RBFOX1: variants seen among roughly 807,000 people sequenced by gnomAD.
The protein encoded by RBFOX1 is RNA binding fox-1 homolog 1, also known as RNA binding protein fox-1 homolog 1.
RBFOX1 carries 8 observed loss-of-function variants against 57.7 expected under a neutral mutation model. The observed-to-expected ratio is 0.14, with a 90% CI of 0.08 to 0.25. The LOEUF (loss-of-function observed/expected upper bound fraction) is 0.25, where lower values mean the gene tolerates loss of function less well. Ranked by LOEUF, RBFOX1 falls within the 10% of genes least tolerant of loss-of-function variation. RBFOX1 has a pLI of 1.00. For synonymous variants in RBFOX1, 326 were observed against 222.4 expected (o/e 1.47, Z -4.15); for missense variants, 611 against 548.5 (o/e 1.11, Z -1.14).
chr16:5,625,750 G>T (rs2048331873), intron 3 of RBFOX1, among the ~76,000 whole-genome samples: 1 of 151,830 alleles, frequency 6.6e-6, no homozygotes, highest in Admixed American at 6.6e-5. Context: ...TAGAGACAGG[G>T]TTTCATCATT....
rs1159971428 is a variant in RBFOX1, at chr16:7,333,025, C to G, written c.28-185122C>G. Reference sequence around the variant, plus strand: ...GCATGCTGGCGTCTCAAGGAGTTCTCCTGCATCCTTATGGCGTGCCTATGA... The same window carrying G: ...GCATGCTGGCGTCTCAAGGAGTTCTGCTGCATCCTTATGGCGTGCCTATGA... On this transcript the variant is annotated intron_variant, in intron 4 of 15. Transcript: ENST00000550418. 6 of 1,613,806 alleles carry G rather than the reference C, an allele frequency of 3.7e-6. No homozygotes were observed. In the East Asian group the frequency reaches 1.3e-4, roughly 36 times the overall value.
intron 2 of RBFOX1, among the ~76,000 whole-genome samples, chr16:5,528,987 T>C (rs11646889): frequency 0.33 from 50,502 of 151,664 alleles, 8,757 homozygotes; most frequent in Admixed American, 0.36. Context: ...TAAACCTGAT[T>C]CTCATCTGGT....
chr16:5,683,511 A>C (rs1198927376), intron 3 of RBFOX1, among the ~76,000 whole-genome samples: 1 of 152,026 alleles, frequency 6.6e-6, no homozygotes, highest in African/African-American at 2.4e-5. Flanking sequence ...CAGTTTAATC[A>C]GCTTCCAGTG....
In RBFOX1 at chr16:5,277,422, C is replaced by G. The variant is rs562609254; in HGVS notation, c.219+37317C>G. 7.6e-4 allele frequency among the ~76,000 whole-genome samples: 116 copies of G among 151,822 alleles called. 1 individual carries two copies. The highest frequency in any genetic ancestry group is 2.6e-3 in the African/African-American group (106 of 41,346). ...AAGAACTTATCCATGTAACAAAATA[C>G]CACCTGTTCCCTAAAAACTATTGAA... On this transcript the variant is annotated intron_variant, in intron 1 of 2. Transcript: ENST00000585867.
At chr16:5,987,694 A>C (rs2152316244) in intron 4 of RBFOX1, among the ~76,000 whole-genome samples, 1 of 152,314 alleles carries the variant, frequency 6.6e-6, no homozygotes, top group South Asian at 2.1e-4. Flanking sequence ...AGCCCAGGCA[A>C]CATAGCAAGG....
intron 2 of RBFOX1, among the ~76,000 whole-genome samples, chr16:5,509,451 T>C (rs2043500791): frequency 6.6e-6 from 1 of 152,156 alleles, no homozygotes; most frequent in Non-Finnish European, 1.5e-5. Flanking sequence ...TGTTCACAAT[T>C]GTGTCTCCAA....
intron 3 of RBFOX1, among the ~76,000 whole-genome samples, chr16:5,659,926 G>A (rs964837524): frequency 1.3e-5 from 2 of 152,166 alleles, no homozygotes; most frequent in Non-Finnish European, 2.9e-5. Context: ...GCTGGATCTT[G>A]TTATTTAATG....
At chr16:7,458,359 T>C (rs1167833499) in intron 4 of RBFOX1, among the ~76,000 whole-genome samples, 1 of 152,180 alleles carries the variant, frequency 6.6e-6, no homozygotes, top group African/African-American at 2.4e-5. Flanking sequence ...GCCCAGATGC[T>C]CACTTTCCCA....
intron 2 of RBFOX1, among the ~76,000 whole-genome samples, chr16:5,580,186 T>C (rs1026437181): frequency 1.1e-4 from 16 of 152,262 alleles, no homozygotes; most frequent in African/African-American, 3.9e-4. Flanking sequence ...GTAGTGATGG[T>C]GCCTAGGGGG....
intron 9 of RBFOX1, among the ~76,000 whole-genome samples, chr16:7,601,771 C>T (rs1393176558): frequency 6.6e-6 from 1 of 152,162 alleles, no homozygotes; most frequent in Non-Finnish European, 1.5e-5. Context: ...ATAAGTCTGT[C>T]TGTGAGGCAT....
Position 7,518,203 on chromosome 16 carries a change from C to A in RBFOX1, c.84C>A (p.Ala28=). 6.2e-7 allele frequency: 1 copy of A among 1,614,066 alleles called. No individual in the cohort carries two copies. The highest frequency in any genetic ancestry group is 8.5e-7 in the Non-Finnish European group (1 of 1,179,994). ...CAATGGCTCAGCCTTACGCTTCGGC[C>A]CAGTTTGCTCCCCCGCAGAACGGTA... The part of the protein sequence containing the change: ...PDTMAQPYAS[A]QFAPPQNGIP... Residue 28 remains alanine (A), a synonymous_variant, in exon 5 of 16, where the codon GCC becomes GCA. Coordinates refer to ENST00000550418, the MANE Select transcript of RBFOX1 (RefSeq NM_018723.4).
chr16:7,209,709 C>G (rs879344637), intron 4 of RBFOX1, among the ~76,000 whole-genome samples: 1 of 152,192 alleles, frequency 6.6e-6, no homozygotes, highest in Non-Finnish European at 1.5e-5. Context: ...CTATATGCCT[C>G]CCTTCACTGA....
At chr16:5,561,337 C>G (rs1439826951) in intron 2 of RBFOX1, among the ~76,000 whole-genome samples, 1 of 152,004 alleles carries the variant, frequency 6.6e-6, no homozygotes, top group Admixed American at 6.6e-5. Context: ...AATTAGGTGT[C>G]AGCAAACTTG....
At chr16:6,945,107 C>T (rs1310192144) in intron 3 of RBFOX1, among the ~76,000 whole-genome samples, 2 of 152,052 alleles carry the variant, frequency 1.3e-5, no homozygotes, top group Non-Finnish European at 2.9e-5. Flanking sequence ...ACCCAACGTC[C>T]CTTTGCTAGG....
intron 4 of RBFOX1, among the ~76,000 whole-genome samples, chr16:7,469,917 T>A (rs1404836590): frequency 6.6e-6 from 1 of 152,164 alleles, no homozygotes; most frequent in Non-Finnish European, 1.5e-5. Context: ...CTCATATAAA[T>A]GGAATCATAC....
rs530604069 is a variant in RBFOX1 at position 7,384,187 on chromosome 16, CAT to C, written c.28-133955_28-133954del. ...CTGTGCTTTTCATATATATATGAAA[CAT>C]ATATGAAATATATATGAAACATATA... On this transcript the variant is annotated intron_variant, in intron 4 of 15. Transcript: ENST00000550418. 2.7e-3 allele frequency among the ~76,000 whole-genome samples: 407 copies of C among 151,260 alleles called. 2 individuals carry two copies. Among genetic ancestry groups the C allele is most frequent in the Non-Finnish European group, 4.7e-3 (321 of 67,852 alleles).
chr16:7,514,069 A>G (rs755064544), intron 4 of RBFOX1, among the ~76,000 whole-genome samples: 3 of 151,974 alleles, frequency 2.0e-5, no homozygotes, highest in Non-Finnish European at 2.9e-5. Flanking sequence ...GTGATCCCAT[A>G]TCTAATGACA....
intron 2 of RBFOX1, among the ~76,000 whole-genome samples, chr16:6,610,408 G>C (rs547422135): frequency 2.0e-5 from 3 of 152,062 alleles, no homozygotes; most frequent in South Asian, 2.1e-4. Context: ...GCTCACTGCA[G>C]CATCAACCTT....
At chr16:7,697,132 AAGAAC>A (rs1196321266) in intron 14 of RBFOX1, among the ~76,000 whole-genome samples, 4 of 152,186 alleles carry the variant, frequency 2.6e-5, no homozygotes, top group African/African-American at 4.8e-5. Context: ...CAAACTGCCA[AAGAAC>A]AGAAGAAACA....
Sources: allele counts gnomAD v4.1 joint callset (sites outside exome capture counted in the v4.1 genomes callset), GRCh38; gene constraint gnomAD v4.1.1; transcripts MANE v1.5; gene names NCBI Gene and HGNC (gene_info 2026-07-23, HGNC 2026-07-21).